ANK1: variants seen among roughly 807,000 people sequenced by gnomAD.
The protein encoded by ANK1 is ankyrin 1.
In ANK1, 51 loss-of-function variants were observed where a neutral mutation model predicts 210.4. That is an observed-to-expected ratio of 0.24 (90% CI 0.19 to 0.31). The LOEUF (loss-of-function observed/expected upper bound fraction) is 0.31. Among genes scored for constraint, ANK1 ranks in the 10% least tolerant of loss-of-function variants. The pLI is 1.00. For missense variants in ANK1, 2,051 were observed against 2,504.4 expected, an observed-to-expected ratio of 0.82 and a Z score of 3.86; for synonymous variants, 967 against 1,025.9, an observed-to-expected ratio of 0.94 and a Z score of 1.10.
chr8:41,733,835 G>GAAC (rs763326700), intron 3 of ANK1, 136 bp downstream of exon 3: 8 of 763,456 alleles, frequency 1.0e-5, no homozygotes, highest in African/African-American at 1.7e-5. Context: ...GGGATTCAGA[G>GAAC]AACTAAAAAG....
intron 1 of ANK1, among the ~76,000 whole-genome samples, chr8:41,850,112 G>C (rs186197663): frequency 6.6e-6 from 1 of 152,122 alleles, no homozygotes; most frequent in Non-Finnish European, 1.5e-5. Flanking sequence ...GAAGTCACTC[G>C]CTTCACCCTT....
intron 1 of ANK1, among the ~76,000 whole-genome samples, chr8:41,761,872 C>T (rs1016928548): frequency 6.6e-6 from 1 of 152,118 alleles, no homozygotes; most frequent in African/African-American, 2.4e-5. Context: ...CCCCACACCA[C>T]CTCCCAGCCC....
chr8:41,744,001 G>C (rs866387211), intron 2 of ANK1, among the ~76,000 whole-genome samples: 75 of 152,272 alleles, frequency 4.9e-4, no homozygotes, highest in African/African-American at 1.7e-3. Flanking sequence ...GTGGGGCAGG[G>C]CAAGTACAAA....
chr8:41,715,238 T>C (rs913061803), intron 14 of ANK1, among the ~76,000 whole-genome samples, 164 bp from the exon 15 acceptor site: 1 of 152,192 alleles, frequency 6.6e-6, no homozygotes, highest in African/African-American at 2.4e-5. Flanking sequence ...CCTCAGGACT[T>C]GGCAGGCATC....
chr8:41,878,429 T>C (rs1435156295), intron 1 of ANK1, among the ~76,000 whole-genome samples: 1 of 152,070 alleles, frequency 6.6e-6, no homozygotes, highest in Non-Finnish European at 1.5e-5. Context: ...AGAAACCACA[T>C]GGAAATTACA....
intron 1 of ANK1, among the ~76,000 whole-genome samples, chr8:41,861,482 T>C (rs1813264557): frequency 6.6e-6 from 1 of 152,264 alleles, no homozygotes; most frequent in South Asian, 2.1e-4. Flanking sequence ...GTTTGGTTTT[T>C]GGTAGAACCC....
intron 1 of ANK1, among the ~76,000 whole-genome samples, chr8:41,855,046 C>A (rs2150814211): frequency 6.6e-6 from 1 of 152,166 alleles, no homozygotes; most frequent in Middle Eastern, 3.4e-3. Flanking sequence ...GATTCATGTG[C>A]ATATAAACAT....
intron 16 of ANK1, 71 bp from the exon 17 acceptor site, chr8:41,709,046 G>A: frequency 1.9e-6 from 3 of 1,588,064 alleles, no homozygotes; most frequent in Non-Finnish European, 2.6e-6. Flanking sequence ...ACACAAGCAG[G>A]GGCTGAGTCT....
At chr8:41,809,606 A>T (rs558840864) in intron 1 of ANK1, among the ~76,000 whole-genome samples, 28 of 152,158 alleles carry the variant, frequency 1.8e-4, no homozygotes, top group African/African-American at 6.7e-4. Context: ...ACCTGTACAA[A>T]AAATTTTTTA....
intron 1 of ANK1, among the ~76,000 whole-genome samples, chr8:41,862,660 CAAAAA>C (rs60114930): frequency 3.0e-5 from 3 of 99,640 alleles, no homozygotes; most frequent in East Asian, 5.3e-4. Context: ...GAGGCTCAGA[CAAAAA>C]AAAAAAAAAA....
chr8:41,800,839 C>T (rs1404160131), upstream of ANK1, among the ~76,000 whole-genome samples: 4 of 151,436 alleles, frequency 2.6e-5, no homozygotes, highest in African/African-American at 7.3e-5. Context: ...CTCATCCTCC[C>T]GAGTAGCTGG....
At position 41,843,346 on chromosome 8, in the gene ANK1, T is replaced by G. The variant is rs72640348; in HGVS notation, c.126+53009A>C. Among the ~76,000 whole-genome samples the G allele has an allele frequency of 6.2e-3, 939 of 152,324 alleles. 5 individuals are homozygous for G. Among genetic ancestry groups the G allele is most frequent in the Non-Finnish European group, 8.2e-3 (558 of 68,038 alleles). On this transcript the variant is annotated intron_variant, in intron 1 of 42. Transcript: ENST00000265709. ...CTGCTCTGCGATCAGACATTGAATC[T>G]GCTCCATCTTACTGTGCACTTGTAC...
At chr8:41,690,865 A>G (rs1390930487) in intron 31 of ANK1, among the ~76,000 whole-genome samples, 1 of 152,252 alleles carries the variant, frequency 6.6e-6, no homozygotes, top group African/African-American at 2.4e-5. Flanking sequence ...ATTGCTATCA[A>G]GTATTCCAAA....
intron 2 of ANK1, among the ~76,000 whole-genome samples, chr8:41,752,022 A>G (rs959282092): frequency 3.9e-5 from 6 of 152,008 alleles, no homozygotes; most frequent in African/African-American, 1.5e-4. Flanking sequence ...GGGCCTTTGC[A>G]CGTGTTTCCT....
At chr8:41,682,475 T>G (rs905473103) in intron 37 of ANK1, among the ~76,000 whole-genome samples, 2 of 152,264 alleles carry the variant, frequency 1.3e-5, no homozygotes, top group Admixed American at 1.3e-4. Flanking sequence ...TTTTGTCTGG[T>G]TGAGAACAGG....
At position 41,704,892 on chromosome 8, in the gene ANK1, C is replaced by T. The variant is rs552078577; in HGVS notation, c.2098-420G>A. 6.6e-6 allele frequency among the ~76,000 whole-genome samples: 1 copy of T among 152,258 alleles called. No homozygotes were observed. The highest frequency in any genetic ancestry group is 1.9e-4 in the East Asian group (1 of 5,180). ...GGGAGCTATTTCAAGAAGGAAGAAA[C>T]AGCCTTCAGGCCTGGGAAGGGTGCT... is the stretch of plus-strand genomic sequence containing the variant. On this transcript the variant is annotated intron_variant, in intron 18 of 42. Transcript: ENST00000289734. The surrounding 1 kb of genome is among the most constrained non-coding windows in gnomAD (Gnocchi z 4.1).
At chr8:41,760,703 T>C (rs1840188361) in intron 1 of ANK1, among the ~76,000 whole-genome samples, 1 of 152,204 alleles carries the variant, frequency 6.6e-6, no homozygotes, top group African/African-American at 2.4e-5. Flanking sequence ...GAGTAAAGCC[T>C]TTCTTGTCCC....
intron 1 of ANK1, among the ~76,000 whole-genome samples, chr8:41,787,119 G>A (rs1159458286): frequency 1.3e-5 from 2 of 152,238 alleles, no homozygotes; most frequent in African/African-American, 2.4e-5. Context: ...AGAGGGTGAG[G>A]AGCTGGGAAG....
At chr8:41,836,891 GC>G (rs1379589524) in intron 1 of ANK1, among the ~76,000 whole-genome samples, 3 of 150,410 alleles carry the variant, frequency 2.0e-5, no homozygotes, top group Non-Finnish European at 2.9e-5. Flanking sequence ...CTGCACTCCA[GC>G]CTGGGCAACA....
Sources: gnomAD v4.1 joint callset for allele counts (sites outside exome capture counted in the v4.1 genomes callset) on GRCh38, gnomAD v4.1.1 for gene constraint, Gnocchi (gnomAD v3.1) non-coding constraint, MANE v1.5 for transcripts, NCBI Gene and HGNC (gene_info 2026-07-23, HGNC 2026-07-21) for gene names.